The following KMT2A variants were observed in gnomAD, a reference collection of about 807,000 sequenced individuals.
The protein encoded by KMT2A is histone-lysine N-methyltransferase 2A.
Under a neutral mutation model 345.3 loss-of-function variants are expected in KMT2A, and 16 were observed. The ratio of observed to expected loss-of-function variants is 0.05; its 90% CI spans 0.03 to 0.07. The LOEUF (loss-of-function observed/expected upper bound fraction) is 0.07. Ranked by LOEUF, KMT2A falls within the 10% of genes least tolerant of loss-of-function variation. The pLI is 1.00. For synonymous variants in KMT2A, 1,599 were observed against 1,778.6 expected, an observed-to-expected ratio of 0.90 and a Z score of 2.54; for missense variants, 3,272 against 4,841.6, an observed-to-expected ratio of 0.68 and a Z score of 9.62.
chr11:118,474,396 ATTACATCCAG>A, intron 3 of KMT2A, 81 bp downstream of exon 3: 2 of 1,487,392 alleles, frequency 1.3e-6, no homozygotes, highest in Non-Finnish European at 1.8e-6. Context: ...AAGTGGTTCA[ATTACATCCAG>A]TTATGAGAAC....
chr11:118,470,543 T>C (rs898398779), intron 2 of KMT2A, among the ~76,000 whole-genome samples: 1 of 152,344 alleles, frequency 6.6e-6, no homozygotes, highest in Middle Eastern at 3.4e-3. Flanking sequence ...TTGTTGTAAT[T>C]AGGATATGTT....
At chr11:118,479,277 TCTC>T (rs1425906885) in intron 5 of KMT2A, among the ~76,000 whole-genome samples, 1 of 152,240 alleles carries the variant, frequency 6.6e-6, no homozygotes, top group African/African-American at 2.4e-5. Flanking sequence ...CTCTACTTTT[TCTC>T]CTCTTTTTTA....
At chr11:118,500,759 A>G (rs1555045380) in intron 24 of KMT2A, 3 of 377,018 alleles carry the variant, frequency 8.0e-6, no homozygotes, top group African/African-American at 2.0e-5. Flanking sequence ...CTTATGGTAC[A>G]AGAAAAAAAG....
rs2134369745 is a variant in KMT2A, at chr11:118,498,638, G to A, written c.5961+110G>A. On this transcript the variant is annotated intron_variant, in intron 22 of 35. Transcript: ENST00000534358. This position sits in a 1 kb window ranked among gnomAD's most constrained non-coding sequence, Gnocchi z 4.4. ...TACAGAGATTTCCCATATGCCCCCT[G>A]CACCCACATATGCACAGCCTCCCCC... The A allele has an allele frequency of 1.9e-6, 2 of 1,073,478 alleles. No homozygotes were observed. The highest frequency in any genetic ancestry group is 2.5e-5 in the East Asian group (1 of 40,700). The allele number at this position is 1,073,478 out of a possible 1,614,324, so 66.5% of individuals were successfully genotyped here.
At chr11:118,438,052 T>G (rs1202517738) in intron 1 of KMT2A, among the ~76,000 whole-genome samples, 16 of 152,110 alleles carry the variant, frequency 1.1e-4, no homozygotes, top group African/African-American at 3.9e-4. Flanking sequence ...TGATCCACCT[T>G]TTCCTAGGCC....
rs1555046758 is a variant in KMT2A, at chr11:118,503,594, C to G, written c.7702C>G (p.Pro2568Ala). 6.2e-7 allele frequency: 1 copy of G among 1,614,154 alleles called. No individual in the cohort carries two copies. ...AGAACCAATTTCAGCCTCTGAAAATCCAGGAGATGGTCCAGTGGCCCAACC... is the reference window on the plus strand; with the variant it reads ...AGAACCAATTTCAGCCTCTGAAAATGCAGGAGATGGTCCAGTGGCCCAACC... The part of the protein sequence containing the change: ...PTEPISASEN[P>A]GDGPVAQPSP... Residue 2568 changes from proline to alanine, a missense_variant, in exon 27 of 36, where the codon CCA (proline) becomes GCA (alanine). Around this residue, in one of 27 missense-constraint regions of KMT2A, gnomAD observed 445 missense variants for 500.9 expected, o/e 0.89. Transcript: ENST00000534358. This position sits in a 1 kb window ranked among gnomAD's most constrained non-coding sequence, Gnocchi z 5.3.
rs1245473064 is a variant in KMT2A, at chr11:118,490,966, C to G, written c.4697-230C>G. ...ACCTCATGACCTTTATAAATGAAAACTAGTAAACTAAAGAAAACTAGTAGC... is the reference window on the plus strand; with the variant it reads ...ACCTCATGACCTTTATAAATGAAAAGTAGTAAACTAAAGAAAACTAGTAGC... On this transcript the variant is annotated intron_variant, in intron 13 of 35. Transcript: ENST00000534358. This position sits in a 1 kb window ranked among gnomAD's most constrained non-coding sequence, Gnocchi z 4.2. 1.3e-5 allele frequency among the ~76,000 whole-genome samples: 2 copies of G among 152,118 alleles called. No homozygotes were observed. Among genetic ancestry groups the G allele is most frequent in the African/African-American group, 4.8e-5 (2 of 41,408 alleles).
At chr11:118,499,736 C>A in intron 23 of KMT2A, 99 bp from the exon 24 acceptor site, 3 of 877,070 alleles carry the variant, frequency 3.4e-6, no homozygotes, top group Non-Finnish European at 5.6e-6. Context: ...GCTGAGATTG[C>A]GCCACTGCAT....
intron 1 of KMT2A, among the ~76,000 whole-genome samples, chr11:118,453,554 T>G (rs1309695691): frequency 2.0e-5 from 3 of 152,216 alleles, no homozygotes; most frequent in Non-Finnish European, 4.4e-5. Flanking sequence ...CTACACACTC[T>G]TCCTAGGTCA....
chr11:118,489,922 C>A (rs782187139), intron 12 of KMT2A, 35 bp downstream of exon 12: 6 of 1,557,060 alleles, frequency 3.9e-6, no homozygotes, highest in Non-Finnish European at 5.3e-6. Flanking sequence ...TTATAGAGAA[C>A]CACCATGTGA....
In KMT2A at chr11:118,522,188, C is replaced by G. The variant is rs1158671984; in HGVS notation, c.*16C>G. 2.5e-6 allele frequency: 4 copies of G among 1,612,526 alleles called. No individual in the cohort carries two copies. The highest frequency in any genetic ancestry group is 2.7e-5 in the African/African-American group (2 of 75,008). On this transcript the variant is annotated 3_prime_UTR_variant, in exon 36 of 36. Transcript: ENST00000534358. The surrounding 1 kb of genome is among the most constrained non-coding windows in gnomAD (Gnocchi z 5.4). ...CCTAAACTAAAGCTGCTCTTCTCCCCCAGTGTTGGAGTGCAAGGAGGCGGG... is the reference window on the plus strand; with the variant it reads ...CCTAAACTAAAGCTGCTCTTCTCCCGCAGTGTTGGAGTGCAAGGAGGCGGG...
At position 118,490,879 on chromosome 11, in the gene KMT2A, C is replaced by A. The variant is rs1950313467; in HGVS notation, c.4697-317C>A. 6.6e-6 allele frequency among the ~76,000 whole-genome samples: 1 copy of A among 152,278 alleles called. No individual in the cohort carries two copies. Among genetic ancestry groups the A allele is most frequent in the South Asian group, 2.1e-4 (1 of 4,824 alleles). ...ACTTCTTTTAAATATTTAAATATTT[C>A]TTACAAATGTGTGAGAAACTTCTCT... On this transcript the variant is annotated intron_variant, in intron 13 of 35. Coordinates refer to ENST00000534358, the MANE Select transcript of KMT2A (RefSeq NM_001197104.2). This position sits in a 1 kb window ranked among gnomAD's most constrained non-coding sequence, Gnocchi z 4.2.
intron 1 of KMT2A, among the ~76,000 whole-genome samples, chr11:118,465,147 A>G (rs1377661357): frequency 6.6e-6 from 1 of 152,190 alleles, no homozygotes; most frequent in African/African-American, 2.4e-5. Flanking sequence ...CTGAGGCAGG[A>G]GAATCGCTTG....
At chr11:118,516,793 T>C (rs782416047) in intron 31 of KMT2A, among the ~76,000 whole-genome samples, 7 of 152,216 alleles carry the variant, frequency 4.6e-5, no homozygotes, top group Admixed American at 1.3e-4. Context: ...ATACCTTAAT[T>C]TGGACACCTG....
Position 118,526,759 on chromosome 11 carries a change from A to G in KMT2A, c.*4587A>G. Reference sequence around the variant, plus strand: ...TTGTAAAAAAAAGGAGTTTTTAAACATGTTTATTTTCTATGCACTTTTTTT... The same window carrying G: ...TTGTAAAAAAAAGGAGTTTTTAAACGTGTTTATTTTCTATGCACTTTTTTT... On this transcript the variant is annotated 3_prime_UTR_variant, in exon 36 of 36. Transcript: ENST00000534358. 4.4e-6 allele frequency: 1 copy of G among 227,922 alleles called. No homozygotes were observed. Among genetic ancestry groups the G allele is most frequent in the Non-Finnish European group, 8.7e-6 (1 of 114,872 alleles). 14.1% of individuals were successfully genotyped at this position (227,922 alleles called of 1,614,324 possible).
At position 118,476,036 on chromosome 11, in the gene KMT2A, G is replaced by C. The variant is rs1477139880; in HGVS notation, c.3157-769G>C. Among the ~76,000 whole-genome samples, 1 of 152,108 alleles carries C rather than the reference G, an allele frequency of 6.6e-6. No homozygotes were observed. Among genetic ancestry groups the C allele is most frequent in the Non-Finnish European group, 1.5e-5 (1 of 68,022 alleles). ...TTCTCCTGCCTCAGCCTCCCAAGTA[G>C]CTGGGATTACGGGCATGCACCACCA... On this transcript the variant is annotated intron_variant, in intron 3 of 35. Transcript: ENST00000534358. This position sits in a 1 kb window ranked among gnomAD's most constrained non-coding sequence, Gnocchi z 4.1.
At chr11:118,437,250 C>T (rs1949208084) in intron 1 of KMT2A, among the ~76,000 whole-genome samples, 1 of 151,958 alleles carries the variant, frequency 6.6e-6, no homozygotes, top group Non-Finnish European at 1.5e-5. Flanking sequence ...TGAACCCCTC[C>T]TCCCTTTCAC....
Position 118,491,889 on chromosome 11 carries a change from G to C in KMT2A, c.4965G>C (p.Leu1655Phe). The C allele has an allele frequency of 6.2e-7, 1 of 1,613,858 alleles. No homozygotes were observed. The highest frequency in any genetic ancestry group is 8.5e-7 in the Non-Finnish European group (1 of 1,180,020). ...ISLKQVLTAL[L>F]NSRTTSHLLR... ...TGAAGCAAGTTCTGACAGCTTTGTT[G>C]AATTCTCGGACTACCAGCCATTTGC... Residue 1655 changes from leucine to phenylalanine, a missense_variant, in exon 15 of 36, where the codon TTG becomes TTC. Transcript: ENST00000534358. The surrounding 1 kb of genome is among the most constrained non-coding windows in gnomAD (Gnocchi z 4.2).
At position 118,501,723 on chromosome 11, in the gene KMT2A, C is replaced by T. The variant is rs1188962125; in HGVS notation, c.6371C>T (p.Ser2124Leu). 6.2e-7 allele frequency: 1 copy of T among 1,614,100 alleles called. No homozygotes were observed. The highest frequency in any genetic ancestry group is 1.3e-5 in the African/African-American group (1 of 75,016). Residue 2124 changes from serine (S) to leucine (L), a missense_variant, in exon 26 of 36, where the codon TCA becomes TTA. Physicochemically the swap from Ser to Leu is moderately radical, Grantham distance 145 (BLOSUM62 -2). Around this residue, in one of 27 missense-constraint regions of KMT2A, gnomAD observed 66 missense variants for 73.9 expected, o/e 0.89. Coordinates refer to ENST00000534358, the MANE Select transcript of KMT2A (RefSeq NM_001197104.2). ...ACAGCTGAAATTATAAGTCCTCCAT[C>T]ACCAGACCGACCTCCTCATTCACAA... The part of the protein sequence containing the change: ...QNTAEIISPP[S>L]PDRPPHSQTS...
Sources: gnomAD v4.1 joint callset for allele counts (sites outside exome capture counted in the v4.1 genomes callset) on GRCh38, gnomAD v4.1.1 for gene constraint, gnomAD v4.1.1 regional missense constraint, Gnocchi (gnomAD v3.1) non-coding constraint, MANE v1.5 for transcripts, NCBI Gene and HGNC (gene_info 2026-07-23, HGNC 2026-07-21) for gene names.